The following ECRG4 variants were observed in gnomAD, a reference collection of about 807,000 sequenced individuals.
The protein encoded by ECRG4 is augurin.
ECRG4 carries 18 observed loss-of-function variants against 15.8 expected under a neutral mutation model. That is an observed-to-expected ratio of 1.14 (90% CI 0.79 to 1.69). The LOEUF (loss-of-function observed/expected upper bound fraction) is 1.69, where lower values mean the gene tolerates loss of function less well. ECRG4 is among the 40% of genes most tolerant of loss of function. The probability of loss-of-function intolerance (pLI) is 0.00; values close to 1 mark genes in which losing one functional copy is unlikely to be tolerated. For missense variants in ECRG4, 200 were observed against 190.9 expected (o/e 1.05, Z -0.28); for synonymous variants, 82 against 73.9 (o/e 1.11, Z -0.56).
At position 106,077,930 on chromosome 2, in the gene ECRG4, T is replaced by C. The variant is rs373970608; in HGVS notation, c.*4T>C. The C allele has an allele frequency of 1.7e-5, 27 of 1,613,480 alleles. No individual in the cohort carries two copies. Among genetic ancestry groups the C allele is most frequent in the Non-Finnish European group, 2.3e-5 (27 of 1,179,806 alleles). On this transcript the variant is annotated 3_prime_UTR_variant, in exon 4 of 4. Coordinates refer to ENST00000238044, the MANE Select transcript of ECRG4 (RefSeq NM_032411.3). ...CGTCAACTACGATGACTACTAACCA[T>C]GACTTGCCACACGCTGTACAAGAAG...
chr2:106,077,632 T>A, intron 3 of ECRG4, 133 bp from the exon 4 acceptor site: 1 of 761,874 alleles, frequency 1.3e-6, no homozygotes. Flanking sequence ...AAGAATACGG[T>A]AACAGGGAGT....
chr2:106,063,251 G>C (rs1168294537), upstream of ECRG4: 1 of 152,208 alleles, frequency 6.6e-6, no homozygotes, highest in African/African-American at 2.4e-5. Flanking sequence ...ACAGCAAGAA[G>C]GTGCCATCTA....
chr2:106,067,059 C>CGGGGG (rs1171603168), intron 1 of ECRG4, among the ~76,000 whole-genome samples: 10 of 4,264 alleles, frequency 2.3e-3, no homozygotes, highest in East Asian at 0.019. Context: ...TTTGGGAGGC[C>CGGGGG]GGGGGGGGGG....
intron 3 of ECRG4, among the ~76,000 whole-genome samples, chr2:106,074,494 G>C (rs1676442970): frequency 6.6e-6 from 1 of 152,160 alleles, no homozygotes; most frequent in Non-Finnish European, 1.5e-5. Flanking sequence ...AGAGAGGATG[G>C]GTCTTTGTAG....
At chr2:106,070,445 A>G (rs962986220) in intron 1 of ECRG4, among the ~76,000 whole-genome samples, 7 of 152,196 alleles carry the variant, frequency 4.6e-5, no homozygotes, top group African/African-American at 1.7e-4. Flanking sequence ...CTTACGGACC[A>G]TGAGTGTGCC....
chr2:106,065,912 T>G, intron 1 of ECRG4, 69 bp downstream of exon 1: 9 of 1,309,592 alleles, frequency 6.9e-6, no homozygotes, highest in Non-Finnish European at 8.1e-6. Flanking sequence ...GCTTCCATGG[T>G]GCCCGGGGAG....
At chr2:106,066,555 G>C (rs969143451) in intron 1 of ECRG4, among the ~76,000 whole-genome samples, 1 of 152,132 alleles carries the variant, frequency 6.6e-6, no homozygotes, top group African/African-American at 2.4e-5. Flanking sequence ...ACCTTCACTG[G>C]GTAGGAGGAA....
intron 3 of ECRG4, 73 bp from the exon 4 acceptor site, chr2:106,077,692 T>C: frequency 7.5e-7 from 1 of 1,331,408 alleles, no homozygotes; most frequent in South Asian, 1.4e-5. Flanking sequence ...AGAAAAGCCA[T>C]AGGTAAGATT....
rs1676378941 is a variant in ECRG4, at chr2:106,071,841, T to C, written c.80-3T>C. On this transcript the variant is annotated splice_polypyrimidine_tract_variant and splice_region_variant and intron_variant, in intron 1 of 3. Coordinates refer to ENST00000238044, the MANE Select transcript of ECRG4 (RefSeq NM_032411.3). ...ATATGGATTTCAATTTTCATTCCTT[T>C]AGGTGGCATAAGTGGAAATAAACTC... 5.6e-6 allele frequency: 9 copies of C among 1,613,204 alleles called. No homozygotes were observed. Among genetic ancestry groups the C allele is most frequent in the Non-Finnish European group, 7.6e-6 (9 of 1,179,310 alleles).
At chr2:106,076,991 CAA>C (rs1432391597) in intron 3 of ECRG4, among the ~76,000 whole-genome samples, 4 of 152,178 alleles carry the variant, frequency 2.6e-5, no homozygotes, top group East Asian at 3.8e-4. Context: ...TATTAATAGC[CAA>C]GATCAGTTGC....
upstream of ECRG4, chr2:106,063,436 A>G (rs1487830701): frequency 3.9e-5 from 6 of 152,216 alleles, no homozygotes; most frequent in African/African-American, 1.4e-4. Context: ...CGTTGAACAA[A>G]TAGACAGATG....
intron 2 of ECRG4, 104 bp downstream of exon 2, chr2:106,071,995 G>A (rs969354439): frequency 3.1e-6 from 3 of 953,434 alleles, no homozygotes; most frequent in African/African-American, 3.3e-5. Context: ...AAAATCAAAA[G>A]TGTTTACTCC....
chr2:106,070,214 T>A (rs1676332589), intron 1 of ECRG4, among the ~76,000 whole-genome samples: 1 of 152,178 alleles, frequency 6.6e-6, no homozygotes, highest in Non-Finnish European at 1.5e-5. Flanking sequence ...ACAAGAGGTA[T>A]ATACCAGGGC....
At chr2:106,073,745 C>T (rs1482618147) in intron 2 of ECRG4, 141 bp from the exon 3 acceptor site, 6 of 942,568 alleles carry the variant, frequency 6.4e-6, no homozygotes, top group Admixed American at 2.0e-5. Context: ...GTCACATTGT[C>T]ACATGCAAGT....
intron 2 of ECRG4, among the ~76,000 whole-genome samples, chr2:106,073,425 C>G (rs751339538): frequency 6.6e-6 from 1 of 152,172 alleles, no homozygotes; most frequent in African/African-American, 2.4e-5. Context: ...CTCATCATTC[C>G]AGTTCCTTTT....
intron 2 of ECRG4, 45 bp from the exon 3 acceptor site, chr2:106,073,841 G>C: frequency 6.2e-7 from 1 of 1,604,860 alleles, no homozygotes; most frequent in Non-Finnish European, 8.5e-7. Context: ...AGTGAGGAAG[G>C]AAGTCATTCT....
rs1159706581 is a variant in ECRG4, at chr2:106,078,040, C to G, written c.*114C>G. 22 of 995,916 alleles carry G rather than the reference C, an allele frequency of 2.2e-5. No individual in the cohort carries two copies. The highest frequency in any genetic ancestry group is 3.1e-5 in the Non-Finnish European group (22 of 718,282). The allele number at this position is 995,916 out of a possible 1,614,324, so 61.7% of individuals were successfully genotyped here. On this transcript the variant is annotated 3_prime_UTR_variant, in exon 4 of 4. Coordinates refer to ENST00000238044, the MANE Select transcript of ECRG4 (RefSeq NM_032411.3). The stretch of plus-strand genomic sequence containing the variant: ...CTCTATTTCAGCAGATCTTTTCTAC[C>G]TACTTTGTGTGATCAAAAAAGAAGA...
chr2:106,065,299 G>A (rs1676183803), upstream of ECRG4, among the ~76,000 whole-genome samples: 1 of 150,908 alleles, frequency 6.6e-6, no homozygotes. Context: ...GGGGCGGGCG[G>A]AGGAAGTGGG....
intron 1 of ECRG4, chr2:106,070,665 A>G (rs974311528): frequency 2.0e-5 from 4 of 203,038 alleles, no homozygotes; most frequent in African/African-American, 9.3e-5. Flanking sequence ...ATTCACAAAC[A>G]AAGCAGGCAT....
Sources: gnomAD v4.1 joint callset for allele counts (sites outside exome capture counted in the v4.1 genomes callset) on GRCh38, gnomAD v4.1.1 for gene constraint, MANE v1.5 for transcripts, NCBI Gene and HGNC (gene_info 2026-07-23, HGNC 2026-07-21) for gene names.